Variants in PLEKHA6 observed in about 807,000 individuals in gnomAD.
PLEKHA6 encodes pleckstrin homology domain-containing family A member 6.
Under a neutral mutation model 116.7 loss-of-function variants are expected in PLEKHA6, and 60 were observed. The ratio of observed to expected loss-of-function variants is 0.51; its 90% confidence interval spans 0.42 to 0.64. The LOEUF (loss-of-function observed/expected upper bound fraction) is 0.64, where lower values mean the gene tolerates loss of function less well. Among genes scored for constraint, PLEKHA6 ranks in the 30% least tolerant of loss-of-function variants. The probability of loss-of-function intolerance (pLI) is 0.00; values close to 1 mark genes in which losing one functional copy is unlikely to be tolerated. For synonymous variants in PLEKHA6, 489 were observed against 556.1 expected, an observed-to-expected ratio of 0.88 and a Z score of 1.70; for missense variants, 1,338 against 1,422.7, an observed-to-expected ratio of 0.94 and a Z score of 0.96.
intron 1 of PLEKHA6, among the ~76,000 whole-genome samples, chr1:204,279,904 A>C (rs1325502720): frequency 6.6e-6 from 1 of 152,224 alleles, no homozygotes; most frequent in Non-Finnish European, 1.5e-5. Flanking sequence ...AATAGCTGTA[A>C]ACTTGCAAGA....
intron 1 of PLEKHA6, among the ~76,000 whole-genome samples, chr1:204,375,676 T>G (rs1053185270): frequency 1.7e-4 from 26 of 152,222 alleles, no homozygotes; most frequent in African/African-American, 6.0e-4. Flanking sequence ...GACTCGATGA[T>G]GTCAAGTCCC....
Position 204,230,463 on chromosome 1 carries a change from G to T in PLEKHA6, c.2533C>A (p.Leu845Ile), listed in dbSNP as rs139114533. 34 of 1,582,162 alleles carry T rather than the reference G, an allele frequency of 2.1e-5. No individual in the cohort carries two copies. The African/African-American group carries it at 4.3e-4, about 20-fold the overall frequency. Residue 845 changes from leucine (L) to isoleucine (I), a missense_variant, in exon 18 of 23, where the codon CTC (leucine) becomes ATC (isoleucine). Coordinates refer to ENST00000272203, the MANE Select transcript of PLEKHA6 (RefSeq NM_014935.5). ...SMREKRRSLQ[L>I]PASPAPDPSP... The stretch of plus-strand genomic sequence containing the variant: ...GGGTCGGGGGCCGGGCTGGCCGGGA[G>T]CTGCAGGCTCCTCCGCTTCTCCCTC...
At chr1:204,313,665 C>G in intron 1 of PLEKHA6, 2 of 985,014 alleles carry the variant, frequency 2.0e-6, no homozygotes, top group Middle Eastern at 5.2e-4. Flanking sequence ...TGCCCCCATC[C>G]TCAGGTGGCT....
chr1:204,237,781 A>G (rs1210264194), intron 17 of PLEKHA6, among the ~76,000 whole-genome samples: 19 of 152,262 alleles, frequency 1.2e-4, no homozygotes, highest in Admixed American at 1.2e-3. Context: ...AATCTTATTC[A>G]GAAAGACCTT....
At chr1:204,376,286 C>T (rs1673869497) in intron 1 of PLEKHA6, among the ~76,000 whole-genome samples, 1 of 152,206 alleles carries the variant, frequency 6.6e-6, no homozygotes, top group African/African-American at 2.4e-5. Context: ...TTCTAAGACC[C>T]TACCCCAGAT....
chr1:204,223,695 C>T lies in PLEKHA6; in HGVS notation c.3032-110G>A, dbSNP rs536318660. On this transcript the variant is annotated intron_variant, in intron 21 of 22. Coordinates refer to ENST00000272203, the MANE Select transcript of PLEKHA6 (RefSeq NM_014935.5). The surrounding 1 kb of genome is among the most constrained non-coding windows in gnomAD (Gnocchi z 4.8). The stretch of plus-strand genomic sequence containing the variant: ...GCAGGGAGTGAGGCAGGGAGGCAAG[C>T]GAAGAGAGAGCACTGAGCTTGGAGC... 27 of 632,906 alleles carry T rather than the reference C, an allele frequency of 4.3e-5. No individual in the cohort carries two copies. The highest frequency in any genetic ancestry group is 6.3e-5 in the Non-Finnish European group (22 of 347,998). 39.2% of individuals were successfully genotyped at this position (632,906 alleles called of 1,614,324 possible).
At chr1:204,225,998 C>G (rs770107931) in intron 21 of PLEKHA6, among the ~76,000 whole-genome samples, 18 of 152,264 alleles carry the variant, frequency 1.2e-4, no homozygotes, top group Non-Finnish European at 1.8e-4. Flanking sequence ...ACTGATTACT[C>G]TGTCCATGCC....
intron 1 of PLEKHA6, among the ~76,000 whole-genome samples, chr1:204,348,714 A>ACCCCCCCCCCCTCC (rs3038282): frequency 3.7e-5 from 5 of 136,638 alleles, no homozygotes; most frequent in East Asian, 2.2e-4. Context: ...CAGGTGCCAA[A>ACCCCCCCCCCCTCC]CCCCCCCCCC....
At position 204,257,802 on chromosome 1, in the gene PLEKHA6, G is replaced by T; in HGVS notation, c.1075C>A (p.Pro359Thr). 1 of 1,614,034 alleles carries T rather than the reference G, an allele frequency of 6.2e-7. No individual in the cohort carries two copies. Among genetic ancestry groups the T allele is most frequent in the Non-Finnish European group, 8.5e-7 (1 of 1,179,966 alleles). ...EYYGPYSSQY[P>T]DDYQYYPPGV... ...GGCGGGTAGTACTGATAATCATCGG[G>T]GTACTGGGAGGAGTAGGGGCCATAG... Residue 359 changes from proline to threonine, a missense_variant, in exon 9 of 23, where the codon CCC becomes ACC. Physicochemically the swap from Pro to Thr is conservative, Grantham distance 38. Transcript: ENST00000272203. This position sits in a 1 kb window ranked among gnomAD's most constrained non-coding sequence, Gnocchi z 6.5.
intron 1 of PLEKHA6, among the ~76,000 whole-genome samples, chr1:204,355,756 ACT>A (rs1276668230): frequency 6.6e-6 from 1 of 152,024 alleles, no homozygotes; most frequent in Non-Finnish European, 1.5e-5. Flanking sequence ...GATCTTAATG[ACT>A]CTGCACACAC....
Position 204,228,955 on chromosome 1 carries a change from G to A in PLEKHA6, c.2733C>T (p.Asp911=), listed in dbSNP as rs374827389. The A allele has an allele frequency of 2.9e-5, 47 of 1,614,038 alleles. No individual in the cohort carries two copies. Among genetic ancestry groups the A allele is most frequent in the African/African-American group, 2.5e-4 (19 of 74,962 alleles). ...CACTCACCTCCTTATTGATGTCCAC[G>A]TCATAATGCTGGGGCTCTAGCTCCA... ...RKMELEPQHY[D]VDINKELSTP... Residue 911 remains aspartate (D), a synonymous_variant, in exon 19 of 23, where the codon GAC becomes GAT. Transcript: ENST00000272203. This position sits in a 1 kb window ranked among gnomAD's most constrained non-coding sequence, Gnocchi z 4.0.
chr1:204,347,238 CT>C, intron 1 of PLEKHA6: 1 of 1,087,748 alleles, frequency 9.2e-7, no homozygotes, highest in Non-Finnish European at 1.4e-6. Flanking sequence ...TGCCTCTCCT[CT>C]TTCCCTTTGT....
chr1:204,228,286 G>A lies in PLEKHA6; in HGVS notation c.2886-58C>T, dbSNP rs1340090831. On this transcript the variant is annotated intron_variant, in intron 20 of 22. Transcript: ENST00000272203. The surrounding 1 kb of genome is among the most constrained non-coding windows in gnomAD (Gnocchi z 4.0). ...AGGGACAGGATGGTCCAAGTGGCTT[G>A]AGGGGGCCTGCGGACTGAGGTTGGC... 1 of 1,517,644 alleles carries A rather than the reference G, an allele frequency of 6.6e-7. No homozygotes were observed. Among genetic ancestry groups the A allele is most frequent in the African/African-American group, 1.4e-5 (1 of 72,362 alleles). The allele number at this position is 1,517,644 out of a possible 1,614,324, so 94.0% of individuals were successfully genotyped here. A position where few individuals can be genotyped will look rare whatever the true frequency, so the allele number is the denominator to read the frequency against.
At chr1:204,351,433 T>C (rs938298444) in intron 1 of PLEKHA6, among the ~76,000 whole-genome samples, 3 of 152,174 alleles carry the variant, frequency 2.0e-5, no homozygotes, top group African/African-American at 7.2e-5. Flanking sequence ...CAGCCAGCTG[T>C]CATTCAGCCT....
intron 1 of PLEKHA6, among the ~76,000 whole-genome samples, chr1:204,304,065 A>AATTTT (rs1386466968): frequency 6.6e-6 from 1 of 152,164 alleles, no homozygotes; most frequent in Admixed American, 6.5e-5. Context: ...AAAAATTGAT[A>AATTTT]TCAAGATTTT....
chr1:204,308,942 G>A (rs1339075446), intron 1 of PLEKHA6: 4 of 223,638 alleles, frequency 1.8e-5, no homozygotes, highest in African/African-American at 4.7e-5. Context: ...GCCCACCTTG[G>A]CCTCCCAAAG....
chr1:204,258,001 A>T, intron 8 of PLEKHA6, 132 bp from the exon 9 acceptor site: 5 of 752,944 alleles, frequency 6.6e-6, no homozygotes, highest in Non-Finnish European at 1.1e-5. Context: ...GGTTTATTCC[A>T]GAGATGAGGG....
intron 1 of PLEKHA6, among the ~76,000 whole-genome samples, chr1:204,287,070 T>A (rs1162642034): frequency 6.6e-6 from 1 of 152,126 alleles, no homozygotes; most frequent in Non-Finnish European, 1.5e-5. Context: ...TGTTCCCACC[T>A]AATAGGCTCT....
intron 18 of PLEKHA6, among the ~76,000 whole-genome samples, chr1:204,229,426 T>G (rs1433918432): frequency 6.6e-6 from 1 of 152,208 alleles, no homozygotes; most frequent in East Asian, 1.9e-4. Context: ...CTTCTTTTTA[T>G]TTTTTAAGAA....
Sources: allele counts gnomAD v4.1 joint callset (sites outside exome capture counted in the v4.1 genomes callset), GRCh38; gene constraint gnomAD v4.1.1; non-coding constraint Gnocchi (gnomAD v3.1); transcripts MANE v1.5; gene names NCBI Gene and HGNC (gene_info 2026-07-23, HGNC 2026-07-21).